Variants in C20orf204 observed in about 807,000 individuals in gnomAD.
C20orf204 encodes the protein uncharacterized protein C20orf204.
C20orf204 carries 6 observed loss-of-function variants against 3.6 expected under a neutral mutation model. That is an observed-to-expected ratio of 1.68 (90% CI 0.92 to 3.31). The LOEUF (loss-of-function observed/expected upper bound fraction) is 3.31, where lower values mean the gene tolerates loss of function less well. C20orf204 is among the 30% of genes most tolerant of loss of function. The pLI is 0.00. For synonymous variants in C20orf204, 80 were observed against 41.4 expected, an observed-to-expected ratio of 1.93 and a Z score of -3.58; for missense variants, 167 against 89.7, an observed-to-expected ratio of 1.86 and a Z score of -3.48.
At position 64,038,385 on chromosome 20, in the gene C20orf204, T is replaced by C. The variant is rs186127752; in HGVS notation, c.369T>C (p.Ala123=). ...GCCGCCGCGGGGCCCTGGAGAGAGC[T>C]GCTTGGACCGTGGCTGTGCGCACCG... ...AGGRRGALER[A]AWTVAVRTEA... Residue 123 remains alanine, a synonymous_variant, in exon 3 of 4, where the codon GCT becomes GCC. Transcript: ENST00000636176. The C allele has an allele frequency of 1.5e-3, 1,148 of 769,872 alleles. 11 individuals carry two copies. The African/African-American group carries it at 0.017, about 11-fold the overall frequency. The allele number at this position is 769,872 out of a possible 1,614,324, so 47.7% of individuals were successfully genotyped here. A position where few individuals can be genotyped will look rare whatever the true frequency, so the allele number is the denominator to read the frequency against.
Position 64,038,924 on chromosome 20 carries a change from G to T in C20orf204, c.*165G>T. 1 of 726,260 alleles carries T rather than the reference G, an allele frequency of 1.4e-6. No individual in the cohort carries two copies. The highest frequency in any genetic ancestry group is 2.5e-6 in the Non-Finnish European group (1 of 393,426). 45.0% of individuals were successfully genotyped at this position (726,260 alleles called of 1,614,324 possible). A position where few individuals can be genotyped will look rare whatever the true frequency, so the allele number is the denominator to read the frequency against. ...CTTGGAGAAGGGAGCGCGCCTGGCC[G>T]CCGCTGGGTCACGGAGGAGGCCCGC... On this transcript the variant is annotated 3_prime_UTR_variant, in exon 4 of 4. Transcript: ENST00000636176.
At chr20:64,038,502 C>T (rs1334456126) in intron 3 of C20orf204, 54 bp downstream of exon 3, 2 of 627,790 alleles carry the variant, frequency 3.2e-6, no homozygotes, top group East Asian at 3.0e-5. Flanking sequence ...CCCACAGGGC[C>T]GCCGCGCGTC....
At chr20:64,037,035 T>G (rs575377234) in intron 1 of C20orf204, 2 of 152,262 alleles carry the variant, frequency 1.3e-5, no homozygotes, top group Non-Finnish European at 2.9e-5. Flanking sequence ...AGGGGAAGGG[T>G]TGGGGCTGGC....
chr20:64,038,983 T>A lies in C20orf204; in HGVS notation c.*224T>A. ...CGCCGAAGGCCTCAATAAACGGAGC[T>A]GGCGCTGCGGGTCCGGCACTCCCTT... On this transcript the variant is annotated 3_prime_UTR_variant, in exon 4 of 4. Coordinates refer to ENST00000636176, the MANE Select transcript of C20orf204 (RefSeq NM_001387010.1). The A allele has an allele frequency of 1.4e-6, 1 of 705,934 alleles. No individual in the cohort carries two copies. Among genetic ancestry groups the A allele is most frequent in the Non-Finnish European group, 2.6e-6 (1 of 383,484 alleles). The allele number at this position is 705,934 out of a possible 1,614,324, so 43.7% of individuals were successfully genotyped here. A position where few individuals can be genotyped will look rare whatever the true frequency, so the allele number is the denominator to read the frequency against.
In C20orf204 at chr20:64,038,122, C is replaced by G. The variant is rs964529080; in HGVS notation, c.199C>G (p.His67Asp). ...EKTRPGSRHFHFIQKNLTRPG... is the reference protein window; with the variant it reads ...EKTRPGSRHFDFIQKNLTRPG... ...GACCAGGCCAGGCTCCAGACACTTTCATTTCATACAGAAAAACCTGACTAG... is the reference window on the plus strand; with the variant it reads ...GACCAGGCCAGGCTCCAGACACTTTGATTTCATACAGAAAAACCTGACTAG... Residue 67 changes from histidine (H) to aspartate (D), a missense_variant, in exon 2 of 4, where the codon CAT (histidine) becomes GAT (aspartate). His to Asp is a moderately conservative substitution (Grantham distance 81). Transcript: ENST00000636176. The G allele has an allele frequency of 9.0e-6, 5 of 553,152 alleles. No homozygotes were observed. The highest frequency in any genetic ancestry group is 1.3e-5 in the Non-Finnish European group (4 of 305,560). 34.3% of individuals were successfully genotyped at this position (553,152 alleles called of 1,614,324 possible). A position where few individuals can be genotyped will look rare whatever the true frequency, so the allele number is the denominator to read the frequency against.
In C20orf204 at chr20:64,038,116, C is replaced by G; in HGVS notation, c.193C>G (p.His65Asp). The change falls in exon 2 of 4, where the codon CAC becomes GAC. Residue 65 changes from histidine (H) to aspartate (D), a missense_variant. Coordinates refer to ENST00000636176, the MANE Select transcript of C20orf204 (RefSeq NM_001387010.1). ...CGAAAAGACCAGGCCAGGCTCCAGA[C>G]ACTTTCATTTCATACAGAAAAACCT... ...GAEKTRPGSR[H>D]FHFIQKNLTR... 3.7e-6 allele frequency: 2 copies of G among 543,602 alleles called. No homozygotes were observed. Among genetic ancestry groups the G allele is most frequent in the South Asian group, 2.3e-5 (1 of 42,760 alleles). 33.7% of individuals were successfully genotyped at this position (543,602 alleles called of 1,614,324 possible). A position where few individuals can be genotyped will look rare whatever the true frequency, so the allele number is the denominator to read the frequency against.
At chr20:64,037,023 C>T (rs1003395888) in intron 1 of C20orf204, 2 of 152,276 alleles carry the variant, frequency 1.3e-5, no homozygotes, top group Non-Finnish European at 2.9e-5. Context: ...TCCTGGGGGC[C>T]CAGGGGAAGG....
Position 64,038,202 on chromosome 20 carries a change from G to A in C20orf204, c.279G>A (p.Lys93=), listed in dbSNP as rs778039405. 3 of 678,728 alleles carry A rather than the reference G, an allele frequency of 4.4e-6. No individual in the cohort carries two copies. Among genetic ancestry groups the A allele is most frequent in the East Asian group, 5.8e-5 (2 of 34,312 alleles). 42.0% of individuals were successfully genotyped at this position (678,728 alleles called of 1,614,324 possible). The change falls in exon 2 of 4, where the codon AAG becomes AAA. Residue 93 remains lysine (K), a splice_region_variant and synonymous_variant. Transcript: ENST00000636176. ...CTCGGGCCTCCTGTGGCGCCCAGAA[G>A]GTATGGAGGAGGCGCCCCTACCCAA... ...GRPRASCGAQ[K]EHSILLSISS...
At chr20:64,038,251 A>C (rs372586752) in intron 2 of C20orf204, 45 bp from the exon 3 acceptor site, 86 of 741,220 alleles carry the variant, frequency 1.2e-4, no homozygotes, top group Non-Finnish European at 2.0e-4. Context: ...CTCCTCTCTC[A>C]GTTTCCCCCC....
chr20:64,038,266 C>G (rs985704490), intron 2 of C20orf204, 30 bp from the exon 3 acceptor site: 1 of 746,006 alleles, frequency 1.3e-6, no homozygotes, highest in Non-Finnish European at 2.5e-6. Flanking sequence ...CCCCCCACCC[C>G]CACCCCGCCT....
At chr20:64,038,513 C>G in intron 3 of C20orf204, 65 bp downstream of exon 3, 1 of 613,688 alleles carries the variant, frequency 1.6e-6, no homozygotes, top group Non-Finnish European at 2.9e-6. Context: ...GCCGCGCGTC[C>G]CGGGGCTCCA....
rs1261955691 is a variant in C20orf204 at position 64,038,538 on chromosome 20, A to G, written c.433-84A>G. 7.2e-6 allele frequency: 4 copies of G among 553,342 alleles called. No homozygotes were observed. In the African/African-American group the frequency reaches 8.1e-5, roughly 11 times the overall value. 34.3% of individuals were successfully genotyped at this position (553,342 alleles called of 1,614,324 possible). A position where few individuals can be genotyped will look rare whatever the true frequency, so the allele number is the denominator to read the frequency against. Reference sequence around the variant, plus strand: ...CCGGGGCTCCACGGCCCTAGGCTGAAGTCGGGCTGGGTCGCGTCTCCCTTC... The same window carrying G: ...CCGGGGCTCCACGGCCCTAGGCTGAGGTCGGGCTGGGTCGCGTCTCCCTTC... On this transcript the variant is annotated intron_variant, in intron 3 of 3. Transcript: ENST00000636176.
At position 64,037,959 on chromosome 20, in the gene C20orf204, G is replaced by A. The variant is rs2059343852; in HGVS notation, c.36G>A (p.Leu12=). 2.0e-6 allele frequency: 1 copy of A among 493,136 alleles called. No individual in the cohort carries two copies. Among genetic ancestry groups the A allele is most frequent in the Non-Finnish European group, 3.6e-6 (1 of 281,334 alleles). 30.5% of individuals were successfully genotyped at this position (493,136 alleles called of 1,614,324 possible). A position where few individuals can be genotyped will look rare whatever the true frequency, so the allele number is the denominator to read the frequency against. ...VPPKPALWAL[L]LALLGTAPSR... is the part of the protein sequence containing the mutation. Reference sequence around the variant, plus strand: ...CTAAGCCTGCACTCTGGGCGCTCCTGCTGGCGCTGCTGGGGACCGCGCCAA... The same window carrying A: ...CTAAGCCTGCACTCTGGGCGCTCCTACTGGCGCTGCTGGGGACCGCGCCAA... The change falls in exon 2 of 4, where the codon CTG becomes CTA. Residue 12 remains leucine, a synonymous_variant. Transcript: ENST00000636176.
intron 2 of C20orf204, 40 bp from the exon 3 acceptor site, chr20:64,038,256 C>A (rs1306427958): frequency 4.0e-6 from 3 of 740,994 alleles, no homozygotes; most frequent in Non-Finnish European, 7.5e-6. Flanking sequence ...CTCTCAGTTT[C>A]CCCCCACCCC....
At position 64,037,994 on chromosome 20, in the gene C20orf204, A is replaced by T; in HGVS notation, c.71A>T (p.Tyr24Phe). Residue 24 changes from tyrosine to phenylalanine, a missense_variant, in exon 2 of 4, where the codon TAT (tyrosine) becomes TTT (phenylalanine). By Grantham distance (22) the Tyr-to-Phe change is conservative (BLOSUM62 3). Coordinates refer to ENST00000636176, the MANE Select transcript of C20orf204 (RefSeq NM_001387010.1). ...CTGGGGACCGCGCCAAGCCGCGCCT[A>T]TTCCCCGGCCTGCAGCGTCCCCGAC... ...ALLGTAPSRA[Y>F]SPACSVPDVL... is the part of the protein sequence containing the mutation. 4.0e-6 allele frequency: 2 copies of T among 505,634 alleles called. No homozygotes were observed. The highest frequency in any genetic ancestry group is 6.9e-6 in the Non-Finnish European group (2 of 288,318). 31.3% of individuals were successfully genotyped at this position (505,634 alleles called of 1,614,324 possible). A position where few individuals can be genotyped will look rare whatever the true frequency, so the allele number is the denominator to read the frequency against.
At position 64,038,000 on chromosome 20, in the gene C20orf204, C is replaced by T. The variant is rs959039292; in HGVS notation, c.77C>T (p.Pro26Leu). 4 of 512,776 alleles carry T rather than the reference C, an allele frequency of 7.8e-6. No individual in the cohort carries two copies. The highest frequency in any genetic ancestry group is 1.4e-5 in the Non-Finnish European group (4 of 292,712). 31.8% of individuals were successfully genotyped at this position (512,776 alleles called of 1,614,324 possible). Residue 26 changes from proline (P) to leucine (L), a missense_variant, in exon 2 of 4, where the codon CCG becomes CTG. Pro to Leu is a moderately conservative substitution (Grantham distance 98). Coordinates refer to ENST00000636176, the MANE Select transcript of C20orf204 (RefSeq NM_001387010.1). Reference sequence around the variant, plus strand: ...ACCGCGCCAAGCCGCGCCTATTCCCCGGCCTGCAGCGTCCCCGACGTGCTC... The same window carrying T: ...ACCGCGCCAAGCCGCGCCTATTCCCTGGCCTGCAGCGTCCCCGACGTGCTC... Reference protein sequence around the residue: ...LGTAPSRAYSPACSVPDVLRH... With the variant: ...LGTAPSRAYSLACSVPDVLRH...
chr20:64,038,563 C>CCCGGGCCGGG (rs377676578), intron 3 of C20orf204, 59 bp from the exon 4 acceptor site: 250 of 521,100 alleles, frequency 4.8e-4, no homozygotes, highest in African/African-American at 4.6e-3. Context: ...CGTCTCCCTT[C>CCCGGGCCGGG]CCGGGCCGGG....
At chr20:64,036,066 G>A (rs996320004), upstream of C20orf204, 2 of 152,362 alleles carry the variant, frequency 1.3e-5, no homozygotes, top group Non-Finnish European at 2.9e-5. Flanking sequence ...AAGTGATAGG[G>A]AGTGGAGAGA....
chr20:64,038,791 G>A lies in C20orf204; in HGVS notation c.*32G>A. 1.4e-6 allele frequency: 1 copy of A among 697,014 alleles called. No homozygotes were observed. Among genetic ancestry groups the A allele is most frequent in the East Asian group, 2.9e-5 (1 of 34,466 alleles). The allele number at this position is 697,014 out of a possible 1,614,324, so 43.2% of individuals were successfully genotyped here. On this transcript the variant is annotated 3_prime_UTR_variant, in exon 4 of 4. Coordinates refer to ENST00000636176, the MANE Select transcript of C20orf204 (RefSeq NM_001387010.1). ...CCGTCCTGGCCCTGCGCGGGGAGGA[G>A]AACCAGCGGGGCCGCGGCAGAGCCT...
Sources: gnomAD v4.1 joint callset for allele counts on GRCh38, gnomAD v4.1.1 for gene constraint, MANE v1.5 for transcripts, NCBI Gene and HGNC (gene_info 2026-07-23, HGNC 2026-07-21) for gene names.